The following SLC16A6 variants were observed in gnomAD, a reference collection of about 807,000 sequenced individuals.
SLC16A6 encodes the protein monocarboxylate transporter 7.
SLC16A6 carries 15 observed loss-of-function variants against 33.8 expected under a neutral mutation model. That is an observed-to-expected ratio of 0.44 (90% CI 0.30 to 0.68). The LOEUF is 0.68. SLC16A6 is among the 30% of genes least tolerant of loss of function. The pLI, the probability that SLC16A6 is intolerant of heterozygous loss-of-function variation, is 0.10. For synonymous variants in SLC16A6, 219 were observed against 248.4 expected (o/e 0.88, Z 1.11); for missense variants, 451 against 661.5 (o/e 0.68, Z 3.49).
At chr17:68,270,569 A>C (rs1157624483) in intron 5 of SLC16A6, among the ~76,000 whole-genome samples, 1 of 151,342 alleles carries the variant, frequency 6.6e-6, no homozygotes, top group African/African-American at 2.4e-5. Flanking sequence ...AAAAAAAAAA[A>C]GGCCAGGGTC....
At position 68,270,838 on chromosome 17, in the gene SLC16A6, C is replaced by G; in HGVS notation, c.1321+1G>C. 1.3e-6 allele frequency: 2 copies of G among 1,596,154 alleles called. No individual in the cohort carries two copies. The highest frequency in any genetic ancestry group is 1.7e-6 in the Non-Finnish European group (2 of 1,171,672). On this transcript the variant is annotated splice_donor_variant, in intron 5 of 5. Transcript: ENST00000580666. LOFTEE classifies it high-confidence loss of function. Reference sequence around the variant, plus strand: ...GTTTGTATTTTGTGTATTTAAATTACCTGCAAGGGGCGGTCCAGCCAGTCC... The same window carrying G: ...GTTTGTATTTTGTGTATTTAAATTAGCTGCAAGGGGCGGTCCAGCCAGTCC...
intron 1 of SLC16A6, among the ~76,000 whole-genome samples, chr17:68,287,990 CT>C (rs542264053): frequency 0.027 from 3,373 of 126,036 alleles, 46 homozygotes; most frequent in Non-Finnish European, 0.042. Flanking sequence ...TCCCTCCTTT[CT>C]TTTTTTTTTT....
At position 68,268,618 on chromosome 17, in the gene SLC16A6, T is replaced by A. The variant is rs1218744538; in HGVS notation, c.*478A>T. On this transcript the variant is annotated 3_prime_UTR_variant, in exon 6 of 6. Transcript: ENST00000580666. The stretch of plus-strand genomic sequence containing the variant: ...TTAAAAATGATTGAAGTCTTTTTTT[T>A]TTTGACTGGCCAATTTCATTTCAAT... 6.6e-6 allele frequency: 1 copy of A among 152,388 alleles called. No individual in the cohort carries two copies. Among genetic ancestry groups the A allele is most frequent in the African/African-American group, 2.4e-5 (1 of 41,428 alleles). 9.4% of individuals were successfully genotyped at this position (152,388 alleles called of 1,614,324 possible).
At chr17:68,270,350 T>A (rs1256566359) in intron 5 of SLC16A6, among the ~76,000 whole-genome samples, 1 of 151,918 alleles carries the variant, frequency 6.6e-6, no homozygotes, top group Non-Finnish European at 1.5e-5. Flanking sequence ...GGTCAAGAGA[T>A]TGAGACCATC....
rs186694744 is a variant in SLC16A6, at chr17:68,268,970, A to G, written c.*126T>C. 1,375 of 1,516,618 alleles carry G rather than the reference A, an allele frequency of 9.1e-4. 7 individuals are homozygous for G. The highest frequency in any genetic ancestry group is 7.1e-3 in the Admixed American group (327 of 45,856). The allele number at this position is 1,516,618 out of a possible 1,614,324, so 93.9% of individuals were successfully genotyped here. ...TGTTGGTAGTGCTCTTCACATACAC[A>G]TTCCCTTTAAAATGTAGTTTTGAAA... On this transcript the variant is annotated 3_prime_UTR_variant, in exon 6 of 6. Transcript: ENST00000580666.
At chr17:68,279,251 C>T (rs1488130981) in intron 1 of SLC16A6, among the ~76,000 whole-genome samples, 2 of 151,960 alleles carry the variant, frequency 1.3e-5, no homozygotes, top group Admixed American at 1.3e-4. Flanking sequence ...CACCTTCCAC[C>T]GAGTAAGTGT....
At chr17:68,277,718 C>T (rs1357939719) in intron 2 of SLC16A6, among the ~76,000 whole-genome samples, 1 of 152,208 alleles carries the variant, frequency 6.6e-6, no homozygotes, top group Non-Finnish European at 1.5e-5. Flanking sequence ...AGCCACTGTG[C>T]CCGGCCATCA....
rs1439470769 is a variant in SLC16A6, at chr17:68,267,273, A to G, written c.*1823T>C. The G allele has an allele frequency of 6.6e-6, 1 of 152,238 alleles. No individual in the cohort carries two copies. Among genetic ancestry groups the G allele is most frequent in the African/African-American group, 2.4e-5 (1 of 41,470 alleles). The allele number at this position is 152,238 out of a possible 1,614,324, so 9.4% of individuals were successfully genotyped here. A position where few individuals can be genotyped will look rare whatever the true frequency, so the allele number is the denominator to read the frequency against. On this transcript the variant is annotated 3_prime_UTR_variant, in exon 6 of 6. Transcript: ENST00000580666. ...ACATTCATAGTAAAAAATATGTCGTAAAGTGCTGAAGTCATGTAAGTCTGC... is the reference window on the plus strand; with the variant it reads ...ACATTCATAGTAAAAAATATGTCGTGAAGTGCTGAAGTCATGTAAGTCTGC...
chr17:68,274,188 G>T, intron 2 of SLC16A6, 118 bp from the exon 3 acceptor site: 1 of 1,092,160 alleles, frequency 9.2e-7, no homozygotes, highest in Non-Finnish European at 1.3e-6. Context: ...AAATATGGCC[G>T]AGCGCAGTGG....
In SLC16A6 at chr17:68,274,076, G is replaced by A. The variant is rs201913800; in HGVS notation, c.233-6C>T. The A allele has an allele frequency of 1.1e-5, 18 of 1,611,066 alleles. No homozygotes were observed. Among genetic ancestry groups the A allele is most frequent in the East Asian group, 6.7e-5 (3 of 44,832 alleles). On this transcript the variant is annotated splice_region_variant and splice_polypyrimidine_tract_variant and intron_variant, in intron 2 of 5. Coordinates refer to ENST00000580666, the MANE Select transcript of SLC16A6 (RefSeq NM_004694.5). The stretch of plus-strand genomic sequence containing the variant: ...CAGGACTGTGGCGAGGGGAGCTGCC[G>A]GGAAAGAACAAAACGATATTTTAAC...
intron 2 of SLC16A6, 78 bp downstream of exon 2, chr17:68,278,011 A>G (rs1237368398): frequency 1.1e-6 from 1 of 915,780 alleles, no homozygotes; most frequent in Non-Finnish European, 1.7e-6. Context: ...TCACAAACAC[A>G]TCGACTACCA....
At chr17:68,290,267 G>A (rs2075941045) in intron 1 of SLC16A6, among the ~76,000 whole-genome samples, 1 of 152,150 alleles carries the variant, frequency 6.6e-6, no homozygotes, top group African/African-American at 2.4e-5. Flanking sequence ...CCCCATGTTT[G>A]GTGACATTTT....
At chr17:68,289,817 A>G (rs1335465924) in intron 1 of SLC16A6, among the ~76,000 whole-genome samples, 2 of 152,048 alleles carry the variant, frequency 1.3e-5, no homozygotes, top group Non-Finnish European at 2.9e-5. Flanking sequence ...CAGAAGGAAA[A>G]CTCAGGGTTA....
chr17:68,281,850 A>G (rs1181950428), intron 1 of SLC16A6, among the ~76,000 whole-genome samples: 1 of 152,206 alleles, frequency 6.6e-6, no homozygotes, highest in African/African-American at 2.4e-5. Context: ...GGAGAACAGT[A>G]TGGAGCTTCC....
At chr17:68,270,343 C>G (rs1568403202) in intron 5 of SLC16A6, among the ~76,000 whole-genome samples, 1 of 152,094 alleles carries the variant, frequency 6.6e-6, no homozygotes, top group Non-Finnish European at 1.5e-5. Flanking sequence ...ATCACGAGGT[C>G]AAGAGATTGA....
chr17:68,283,712 TA>T (rs1206535189), intron 1 of SLC16A6, among the ~76,000 whole-genome samples: 18 of 144,906 alleles, frequency 1.2e-4, no homozygotes, highest in Non-Finnish European at 2.4e-4. Context: ...CTGTCTCTAC[TA>T]AAAAAAAATA....
chr17:68,272,599 C>G, intron 4 of SLC16A6, 40 bp downstream of exon 4: 1 of 1,602,940 alleles, frequency 6.2e-7, no homozygotes, highest in South Asian at 1.1e-5. Flanking sequence ...AGTGACGTCT[C>G]TCATCCACAT....
In SLC16A6 at chr17:68,267,761, GAAT is replaced by G. The variant is rs1465475209; in HGVS notation, c.*1332_*1334del. ...TAGTGTGACTCCAAAAAAAAAGGAA[GAAT>G]AAAACAAACAAAACAAAACAATGAC... On this transcript the variant is annotated 3_prime_UTR_variant, in exon 6 of 6. Coordinates refer to ENST00000580666, the MANE Select transcript of SLC16A6 (RefSeq NM_004694.5). 6.6e-6 allele frequency: 1 copy of G among 151,896 alleles called. No individual in the cohort carries two copies. Among genetic ancestry groups the G allele is most frequent in the Non-Finnish European group, 1.5e-5 (1 of 67,980 alleles). 9.4% of individuals were successfully genotyped at this position (151,896 alleles called of 1,614,324 possible). A position where few individuals can be genotyped will look rare whatever the true frequency, so the allele number is the denominator to read the frequency against.
chr17:68,283,460 G>A lies in SLC16A6; in HGVS notation c.-7-5133C>T, dbSNP rs577338224. The stretch of plus-strand genomic sequence containing the variant: ...GGCGTGAACCCGGGAGGCGGAGCTT[G>A]CATTGAGCCGAGATCGCGCCACTGC... On this transcript the variant is annotated intron_variant, in intron 1 of 5. Coordinates refer to ENST00000580666, the MANE Select transcript of SLC16A6 (RefSeq NM_004694.5). Among the ~76,000 whole-genome samples, 8 of 151,064 alleles carry A rather than the reference G, an allele frequency of 5.3e-5. No individual in the cohort carries two copies. In the South Asian group the frequency reaches 1.7e-3, roughly 32 times the overall value.
Sources: allele counts gnomAD v4.1 joint callset (sites outside exome capture counted in the v4.1 genomes callset), GRCh38; gene constraint gnomAD v4.1.1; transcripts MANE v1.5; gene names NCBI Gene and HGNC (gene_info 2026-07-23, HGNC 2026-07-21).